C1GALT1: variants seen among roughly 807,000 people sequenced by gnomAD.
C1GALT1 encodes the protein core 1 synthase, glycoprotein-N-acetylgalactosamine 3-beta-galactosyltransferase 1.
In C1GALT1, 11 loss-of-function variants were observed where a neutral mutation model predicts 31.0. The ratio of observed to expected loss-of-function variants is 0.36; its 90% confidence interval spans 0.22 to 0.59. C1GALT1 has a LOEUF of 0.59. C1GALT1 is among the 20% of genes least tolerant of loss of function. The pLI is 0.79. For synonymous variants in C1GALT1, 175 were observed against 143.6 expected (o/e 1.22, Z -1.56); for missense variants, 424 against 425.2 (o/e 1.00, Z 0.03).
At position 7,159,200 on chromosome 7, in the gene C1GALT1, C is replaced by G. The variant is rs183381910; in HGVS notation, c.-18+1774C>G. 2.0e-5 allele frequency among the ~76,000 whole-genome samples: 3 copies of G among 152,160 alleles called. No homozygotes were observed. The East Asian group carries it at 5.8e-4, about 29-fold the overall frequency. ...TATGCTTTTGGAGGTCAGAAACTGTCTATGTAATTTTCTTTTTACAATGCT... is the reference window on the plus strand; with the variant it reads ...TATGCTTTTGGAGGTCAGAAACTGTGTATGTAATTTTCTTTTTACAATGCT... On this transcript the variant is annotated intron_variant, in intron 2 of 3. Transcript: ENST00000429911.
intron 1 of C1GALT1, among the ~76,000 whole-genome samples, chr7:7,200,626 G>A (rs927322790): frequency 6.6e-6 from 1 of 152,136 alleles, no homozygotes; most frequent in African/African-American, 2.4e-5. Flanking sequence ...GTCACTTTCA[G>A]GTACACCAAT....
chr7:7,157,569 A>G (rs555667507), intron 2 of C1GALT1: 1 of 152,340 alleles, frequency 6.6e-6, no homozygotes, highest in South Asian at 2.1e-4. Context: ...GAATCTATCA[A>G]TCAAGGCACT....
chr7:7,240,284 C>T (rs1783566830), intron 3 of C1GALT1, among the ~76,000 whole-genome samples: 1 of 152,150 alleles, frequency 6.6e-6, no homozygotes, highest in Non-Finnish European at 1.5e-5. Flanking sequence ...CACAGGACAG[C>T]CTCCTACAAC....
chr7:7,182,717 C>G lies in C1GALT1; in HGVS notation c.-121C>G, dbSNP rs886564616. The G allele has an allele frequency of 1.2e-3, 999 of 809,736 alleles. 3 individuals are homozygous for G. Among genetic ancestry groups the G allele is most frequent in the Admixed American group, 1.9e-3 (30 of 16,020 alleles). 50.2% of individuals were successfully genotyped at this position (809,736 alleles called of 1,614,324 possible). ...AGCGGGCGGCCTCGGCTAGCGGCCA[C>G]GAGCCACTTCTGCGGCTGCCCAGAG... On this transcript the variant is annotated 5_prime_UTR_variant, in exon 1 of 4. Transcript: ENST00000436587.
At position 7,248,384 on chromosome 7, in the gene C1GALT1, C is replaced by A. The variant is rs1217227361; in HGVS notation, c.*4657C>A. ...AGTATATTATTAGAGGGAAACTAAT[C>A]TTACTGCTAAGCAGTGTGTTGTACT... On this transcript the variant is annotated 3_prime_UTR_variant, in exon 4 of 4. Transcript: ENST00000436587. The A allele has an allele frequency of 6.6e-6, 1 of 151,974 alleles. No homozygotes were observed. Among genetic ancestry groups the A allele is most frequent in the South Asian group, 2.1e-4 (1 of 4,826 alleles). 9.4% of individuals were successfully genotyped at this position (151,974 alleles called of 1,614,324 possible). A position where few individuals can be genotyped will look rare whatever the true frequency, so the allele number is the denominator to read the frequency against.
intron 1 of C1GALT1, among the ~76,000 whole-genome samples, chr7:7,222,391 T>A (rs1241057111): frequency 2.0e-5 from 3 of 152,274 alleles, no homozygotes; most frequent in Non-Finnish European, 4.4e-5. Flanking sequence ...CTTTTTGAAG[T>A]CTGGCTCTTT....
At chr7:7,215,432 T>A (rs1168760878) in intron 1 of C1GALT1, among the ~76,000 whole-genome samples, 2 of 152,052 alleles carry the variant, frequency 1.3e-5, no homozygotes, top group Non-Finnish European at 2.9e-5. Flanking sequence ...GGTAAGAAAT[T>A]TTTACACTTT....
intron 2 of C1GALT1, among the ~76,000 whole-genome samples, chr7:7,160,132 C>G (rs1780318787): frequency 6.6e-6 from 1 of 152,118 alleles, no homozygotes; most frequent in Non-Finnish European, 1.5e-5. Flanking sequence ...CATGTGTGTC[C>G]TTCTTGTCCC....
In C1GALT1 at chr7:7,238,624, G is replaced by A; in HGVS notation, c.590G>A (p.Arg197Lys). The A allele has an allele frequency of 2.5e-6, 4 of 1,614,096 alleles. No homozygotes were observed. The highest frequency in any genetic ancestry group is 3.4e-6 in the Non-Finnish European group (4 of 1,179,990). ...DPEEPIYFGR[R>K]FKPYVKQGYM... Reference sequence around the variant, plus strand: ...GAAGAACCCATTTACTTTGGGAGAAGATTTAAGCCTTATGTAAAGCAGGGC... The same window carrying A: ...GAAGAACCCATTTACTTTGGGAGAAAATTTAAGCCTTATGTAAAGCAGGGC... The change falls in exon 3 of 4, where the codon AGA (arginine) becomes AAA (lysine). Residue 197 changes from arginine to lysine, a missense_variant. Arg to Lys is a conservative substitution (Grantham distance 26). This residue lies in a region of C1GALT1 where 44 missense variants were observed against 78.3 expected (regional missense o/e 0.56). Coordinates refer to ENST00000436587, the MANE Select transcript of C1GALT1 (RefSeq NM_020156.5). This position sits in a 1 kb window ranked among gnomAD's most constrained non-coding sequence, Gnocchi z 5.2.
intron 2 of C1GALT1, among the ~76,000 whole-genome samples, chr7:7,170,613 T>C (rs62453512): frequency 6.6e-6 from 1 of 151,992 alleles, no homozygotes; most frequent in Non-Finnish European, 1.5e-5. Flanking sequence ...TGAAACCCCA[T>C]CTCTACTAAA....
At position 7,247,347 on chromosome 7, in the gene C1GALT1, A is replaced by G. The variant is rs1325114283; in HGVS notation, c.*3620A>G. On this transcript the variant is annotated 3_prime_UTR_variant, in exon 4 of 4. Transcript: ENST00000436587. The stretch of plus-strand genomic sequence containing the variant: ...GGCTTTTGATGTCTTATGTTCTCTA[A>G]TAATGGTATGCTTGTATTTTCTAGT... The G allele has an allele frequency of 6.6e-6, 1 of 152,120 alleles. No homozygotes were observed. The highest frequency in any genetic ancestry group is 1.9e-4 in the East Asian group (1 of 5,196). The allele number at this position is 152,120 out of a possible 1,614,324, so 9.4% of individuals were successfully genotyped here. A position where few individuals can be genotyped will look rare whatever the true frequency, so the allele number is the denominator to read the frequency against.
upstream of C1GALT1, among the ~76,000 whole-genome samples, chr7:7,180,910 C>CA (rs34390245): frequency 7.0e-3 from 890 of 127,700 alleles, 16 homozygotes; most frequent in Middle Eastern, 0.04. Flanking sequence ...CATATCTCTT[C>CA]AAAAAAAAAA....
intron 3 of C1GALT1, among the ~76,000 whole-genome samples, chr7:7,240,106 C>T (rs1009792822): frequency 6.6e-6 from 1 of 152,204 alleles, no homozygotes; most frequent in African/African-American, 2.4e-5. Context: ...GCTTTCAAAT[C>T]ATCATCTGGA....
At chr7:7,159,355 A>T (rs972465573) in intron 2 of C1GALT1, among the ~76,000 whole-genome samples, 6 of 152,150 alleles carry the variant, frequency 3.9e-5, no homozygotes, top group African/African-American at 1.4e-4. Context: ...AAGAGATTGG[A>T]AAGACGCGGG....
intron 1 of C1GALT1, among the ~76,000 whole-genome samples, chr7:7,220,398 C>A (rs548632526): frequency 6.6e-6 from 1 of 152,228 alleles, no homozygotes; most frequent in Non-Finnish European, 1.5e-5. Context: ...TTCTCCCAGT[C>A]CCCAGACCTG....
chr7:7,169,221 G>A (rs1408429651), intron 2 of C1GALT1, among the ~76,000 whole-genome samples: 2 of 152,104 alleles, frequency 1.3e-5, no homozygotes, highest in Admixed American at 1.3e-4. Flanking sequence ...ATATCCCACT[G>A]TATGTGTATA....
rs1389319380 is a variant in C1GALT1, at chr7:7,238,736, T to C, written c.702T>C (p.His234=). 4 of 1,613,916 alleles carry C rather than the reference T, an allele frequency of 2.5e-6. No homozygotes were observed. Among genetic ancestry groups the C allele is most frequent in the East Asian group, 2.2e-5 (1 of 44,862 alleles). The change falls in exon 3 of 4, where the codon CAT becomes CAC. Residue 234 remains histidine, a synonymous_variant. Coordinates refer to ENST00000436587, the MANE Select transcript of C1GALT1 (RefSeq NM_020156.5). This position sits in a 1 kb window ranked among gnomAD's most constrained non-coding sequence, Gnocchi z 5.2. ...VDAFKTDKCT[H]SSSIEDLALG... is the part of the protein sequence containing the mutation. ...CATTTAAAACAGACAAGTGTACACA[T>C]AGTTCCTCCATTGAAGACTTAGCAC...
At position 7,238,248 on chromosome 7, in the gene C1GALT1, T is replaced by G; in HGVS notation, c.221-7T>G. On this transcript the variant is annotated splice_polypyrimidine_tract_variant and splice_region_variant and intron_variant, in intron 2 of 3. Coordinates refer to ENST00000436587, the MANE Select transcript of C1GALT1 (RefSeq NM_020156.5). The surrounding 1 kb of genome is among the most constrained non-coding windows in gnomAD (Gnocchi z 5.2). ...TAAATAACCTTTTAAAATGTTTTGT[T>G]TAATAGATGAGAACACAGACATTGC... 3 of 1,572,200 alleles carry G rather than the reference T, an allele frequency of 1.9e-6. No homozygotes were observed. The highest frequency in any genetic ancestry group is 2.6e-6 in the Non-Finnish European group (3 of 1,165,088).
upstream of C1GALT1, among the ~76,000 whole-genome samples, chr7:7,179,063 GCCTCAATA>G (rs1195707452): frequency 3.3e-5 from 5 of 152,178 alleles, no homozygotes; most frequent in Non-Finnish European, 5.9e-5. Context: ...TTGTCAGAAG[GCCTCAATA>G]CCTCACCGGT....
Sources: gnomAD v4.1 joint callset for allele counts (sites outside exome capture counted in the v4.1 genomes callset) on GRCh38, gnomAD v4.1.1 for gene constraint, gnomAD v4.1.1 regional missense constraint, Gnocchi (gnomAD v3.1) non-coding constraint, MANE v1.5 for transcripts, NCBI Gene and HGNC (gene_info 2026-07-23, HGNC 2026-07-21) for gene names.